Variants in SUGCT observed in about 807,000 individuals in gnomAD.
SUGCT encodes succinyl-CoA:glutarate CoA-transferase.
In SUGCT, 41 loss-of-function variants were observed where a neutral mutation model predicts 55.0. That is an observed-to-expected ratio of 0.74 (90% CI 0.58 to 0.97). SUGCT has a LOEUF of 0.97. Among genes scored for constraint, SUGCT ranks in the 50% least tolerant of loss-of-function variants. SUGCT has a pLI of 0.00. For synonymous variants in SUGCT, 187 were observed against 200.4 expected (o/e 0.93, Z 0.56); for missense variants, 568 against 547.8 (o/e 1.04, Z -0.37).
chr7:40,887,888 G>C, the SUGCT span, among the ~76,000 whole-genome samples: 1 of 152,170 alleles, frequency 6.6e-6, no homozygotes, highest in Admixed American at 6.5e-5. Flanking sequence ...TGTGGTACCG[G>C]AAAGTGGGGG....
At chr7:40,252,074 A>G (rs1790461347) in intron 7 of SUGCT, among the ~76,000 whole-genome samples, 1 of 152,190 alleles carries the variant, frequency 6.6e-6, no homozygotes, top group Non-Finnish European at 1.5e-5. Context: ...GAAATGATGT[A>G]CTTAACATTT....
At chr7:40,461,110 C>T (rs540060693) in intron 11 of SUGCT, among the ~76,000 whole-genome samples, 7 of 152,236 alleles carry the variant, frequency 4.6e-5, no homozygotes, top group African/African-American at 1.2e-4. Context: ...TCTTCCTCCA[C>T]GGTAGTTCAA....
At chr7:40,248,878 G>A (rs555308872) in intron 7 of SUGCT, among the ~76,000 whole-genome samples, 292 of 137,382 alleles carry the variant, frequency 2.1e-3, no homozygotes, top group Non-Finnish European at 2.9e-3. Context: ...TCCAGCGCGC[G>A]CGCGCGCTCG....
chr7:40,576,305 C>T (rs1484542006), intron 12 of SUGCT, among the ~76,000 whole-genome samples: 1 of 152,188 alleles, frequency 6.6e-6, no homozygotes, highest in Non-Finnish European at 1.5e-5. Flanking sequence ...TACTATTTGT[C>T]TTCTCCCCTG....
chr7:40,143,403 G>A (rs945049259), intron 1 of SUGCT, among the ~76,000 whole-genome samples: 7 of 152,200 alleles, frequency 4.6e-5, no homozygotes, highest in Middle Eastern at 3.2e-3. Context: ...CCCGCAGCAT[G>A]CTGGACTTTG....
intron 12 of SUGCT, among the ~76,000 whole-genome samples, chr7:40,673,597 C>T (rs892159287): frequency 7.2e-5 from 11 of 152,102 alleles, no homozygotes; most frequent in East Asian, 1.9e-4. Flanking sequence ...TATTTAAGGG[C>T]GCTATGTAAA....
the SUGCT span, among the ~76,000 whole-genome samples, chr7:40,942,181 T>C: frequency 6.6e-6 from 1 of 152,184 alleles, no homozygotes; most frequent in Non-Finnish European, 1.5e-5. Context: ...TTTCAAGAGG[T>C]TCTATTCTAG....
chr7:40,659,273 G>T (rs1218245168), intron 12 of SUGCT, among the ~76,000 whole-genome samples: 1 of 152,194 alleles, frequency 6.6e-6, no homozygotes, highest in Non-Finnish European at 1.5e-5. Flanking sequence ...GTCACAGTTA[G>T]ATGTCATGTG....
intron 5 of SUGCT, among the ~76,000 whole-genome samples, chr7:40,191,908 G>A (rs544339980): frequency 2.0e-5 from 3 of 152,198 alleles, no homozygotes; most frequent in East Asian, 3.9e-4. Flanking sequence ...AGGACTTCGA[G>A]ACCAGCCTGG....
At chr7:40,757,270 T>TC (rs1256160792) in intron 13 of SUGCT, among the ~76,000 whole-genome samples, 1 of 152,146 alleles carries the variant, frequency 6.6e-6, no homozygotes, top group Admixed American at 6.5e-5. Context: ...CAGAGAAGCA[T>TC]CAGGAGCCAA....
intron 12 of SUGCT, among the ~76,000 whole-genome samples, chr7:40,592,413 C>T (rs1001883880): frequency 2.6e-5 from 4 of 152,246 alleles, no homozygotes; most frequent in East Asian, 1.9e-4. Flanking sequence ...CCATCCTCTC[C>T]GGTTGACTGT....
At position 40,693,091 on chromosome 7, in the gene SUGCT, T is replaced by C. The variant is rs182053864; in HGVS notation, c.1090-56343T>C. Among the ~76,000 whole-genome samples, 648 of 152,270 alleles carry C rather than the reference T, an allele frequency of 4.3e-3. 10 individuals carry two copies. Among genetic ancestry groups the C allele is most frequent in the African/African-American group, 0.015 (607 of 41,558 alleles). Reference sequence around the variant, plus strand: ...TACTTCTTAAACTAAGAATGTGCCTTATCTCCGCCCTAGTAGCCATTGTTT... The same window carrying C: ...TACTTCTTAAACTAAGAATGTGCCTCATCTCCGCCCTAGTAGCCATTGTTT... On this transcript the variant is annotated intron_variant, in intron 12 of 13. Coordinates refer to ENST00000335693, the MANE Select transcript of SUGCT (RefSeq NM_001193313.2).
intron 1 of SUGCT, among the ~76,000 whole-genome samples, chr7:40,162,497 G>T (rs1784224969): frequency 6.6e-6 from 1 of 151,800 alleles, no homozygotes; most frequent in Admixed American, 6.6e-5. Context: ...TTTTTTGTTA[G>T]ACAGGGTCTT....
At chr7:40,854,396 TTTCTTTCTTTCTTTCTTTCTTTCC>T (rs1404277102) in intron 13 of SUGCT, among the ~76,000 whole-genome samples, 4 of 105,880 alleles carry the variant, frequency 3.8e-5, no homozygotes, top group Admixed American at 1.0e-4. Context: ...TCAAAATTTT[TTTCTTTCTTTCTTTCTTTCTTTCC>T]TTTCTTTCTT....
chr7:40,240,972 G>A (rs956484495), intron 7 of SUGCT, among the ~76,000 whole-genome samples: 1 of 152,154 alleles, frequency 6.6e-6, no homozygotes, highest in Non-Finnish European at 1.5e-5. Flanking sequence ...GTTTTGAAGA[G>A]CCAAAAGAAG....
intron 8 of SUGCT, among the ~76,000 whole-genome samples, chr7:40,278,639 T>A (rs1469581825): frequency 6.6e-6 from 1 of 152,160 alleles, no homozygotes; most frequent in Non-Finnish European, 1.5e-5. Context: ...GTCTCTGTCC[T>A]CCCTTTCTTC....
chr7:40,955,098 T>G, the SUGCT span, among the ~76,000 whole-genome samples: 2 of 152,344 alleles, frequency 1.3e-5, no homozygotes, highest in African/African-American at 4.8e-5. Flanking sequence ...TTCTTTTTGC[T>G]TAGGATTGTC....
At chr7:40,447,044 T>C (rs917740301) in intron 9 of SUGCT, among the ~76,000 whole-genome samples, 12 of 152,204 alleles carry the variant, frequency 7.9e-5, no homozygotes, top group African/African-American at 2.9e-4. Flanking sequence ...CAACCATCAG[T>C]CAATTTTGGA....
the SUGCT span, among the ~76,000 whole-genome samples, chr7:40,999,584 G>T: frequency 6.6e-6 from 1 of 152,142 alleles, no homozygotes; most frequent in Non-Finnish European, 1.5e-5. Context: ...AACAAAAACA[G>T]GATAAATGTA....
Sources: allele counts gnomAD v4.1 joint callset (sites outside exome capture counted in the v4.1 genomes callset), GRCh38; gene constraint gnomAD v4.1.1; transcripts MANE v1.5; gene names NCBI Gene and HGNC (gene_info 2026-07-23, HGNC 2026-07-21).